Variants in EFCAB3 observed in about 807,000 individuals in gnomAD.
EFCAB3 encodes the protein EF-hand calcium binding domain 3.
EFCAB3 carries 36 observed loss-of-function variants against 42.2 expected under a neutral mutation model. The ratio of observed to expected loss-of-function variants is 0.85; its 90% CI spans 0.65 to 1.13. The LOEUF is 1.13. Ranked by LOEUF, EFCAB3 falls within the 50% of genes most tolerant of loss-of-function variation. The pLI is 0.00. For synonymous variants in EFCAB3, 170 were observed against 172.8 expected (o/e 0.98, Z 0.13); for missense variants, 418 against 505.1 (o/e 0.83, Z 1.65).
chr17:62,388,290 G>T (rs1056247531), intron 3 of EFCAB3, among the ~76,000 whole-genome samples: 1 of 152,166 alleles, frequency 6.6e-6, no homozygotes, highest in Non-Finnish European at 1.5e-5. Flanking sequence ...AAAGCATGGA[G>T]TGTTATAGGA....
chr17:62,410,454 C>T (rs547724325), intron 8 of EFCAB3, among the ~76,000 whole-genome samples: 3 of 152,078 alleles, frequency 2.0e-5, no homozygotes, highest in South Asian at 2.1e-4. Flanking sequence ...CCTATGACCA[C>T]GTTAAAATAT....
intron 1 of EFCAB3, chr17:62,370,346 T>C: frequency 6.4e-7 from 1 of 1,551,190 alleles, no homozygotes; most frequent in Non-Finnish European, 8.7e-7. Flanking sequence ...TTTATAATTA[T>C]GTTACCTTCT....
Position 62,406,506 on chromosome 17 carries a change from C to A in EFCAB3, c.515C>A (p.Thr172Asn). ...TATTTCCAAAGAAAATTCCAGCATACTGGCCCAGGAATGTTGTGGAGTCCC... is the reference window on the plus strand; with the variant it reads ...TATTTCCAAAGAAAATTCCAGCATAATGGCCCAGGAATGTTGTGGAGTCCC... ...VSYFQRKFQH[T>N]GPGMLWSPYT... The change falls in exon 7 of 10, where the codon ACT becomes AAT. Residue 172 changes from threonine (T) to asparagine (N), a missense_variant. Coordinates refer to ENST00000305286, the MANE Select transcript of EFCAB3 (RefSeq NM_173503.4). The A allele has an allele frequency of 6.3e-7, 1 of 1,599,872 alleles. No homozygotes were observed.
intron 6 of EFCAB3, among the ~76,000 whole-genome samples, chr17:62,401,413 T>C (rs149053686): frequency 0.026 from 3,887 of 152,322 alleles, 184 homozygotes; most frequent in African/African-American, 0.088. Flanking sequence ...AGGGTTTTTA[T>C]GGTTTTAGGT....
chr17:62,414,659 G>C (rs1195745048), intron 9 of EFCAB3, among the ~76,000 whole-genome samples: 1 of 151,936 alleles, frequency 6.6e-6, no homozygotes, highest in East Asian at 1.9e-4. Flanking sequence ...TACATGTGCA[G>C]GTTTGTTATG....
chr17:62,414,271 T>A (rs191335825), intron 9 of EFCAB3, among the ~76,000 whole-genome samples: 1 of 152,308 alleles, frequency 6.6e-6, no homozygotes, highest in African/African-American at 2.4e-5. Flanking sequence ...AGATCAATAG[T>A]TTGATATTAA....
chr17:62,383,992 G>T (rs1210330511), intron 2 of EFCAB3, among the ~76,000 whole-genome samples: 1 of 152,148 alleles, frequency 6.6e-6, no homozygotes, highest in Non-Finnish European at 1.5e-5. Context: ...GAGCAAAAAT[G>T]AGAGCCTGAT....
At chr17:62,412,151 G>A (rs1304812590) in intron 8 of EFCAB3, among the ~76,000 whole-genome samples, 7 of 151,622 alleles carry the variant, frequency 4.6e-5, no homozygotes, top group South Asian at 4.2e-4. Flanking sequence ...CAAGGCAGGC[G>A]GATCACCTGA....
chr17:62,412,735 C>G (rs2070510217), intron 8 of EFCAB3, among the ~76,000 whole-genome samples: 1 of 150,730 alleles, frequency 6.6e-6, no homozygotes, highest in African/African-American at 2.5e-5. Flanking sequence ...GCTGGAATCA[C>G]AGGCATGAGC....
chr17:62,410,453 A>G (rs1027629839), intron 8 of EFCAB3, among the ~76,000 whole-genome samples: 7 of 151,944 alleles, frequency 4.6e-5, no homozygotes, highest in African/African-American at 1.7e-4. Context: ...CCCTATGACC[A>G]CGTTAAAATA....
rs1164605248 is a variant in EFCAB3, at chr17:62,416,190, A to T, written c.1178A>T (p.Asp393Val). ...TGCCAAGAATTACTTTCTCCTAAGG[A>T]CTTAAGGTTATATGATGCCTATGTG... is the stretch of plus-strand genomic sequence containing the variant. ...NVCQELLSPKDLRLYDAYVNR... is the reference protein window; with the variant it reads ...NVCQELLSPKVLRLYDAYVNR... The change falls in exon 10 of 10, where the codon GAC (aspartate) becomes GTC (valine). Residue 393 changes from aspartate to valine, a missense_variant. Physicochemically the swap from Asp to Val is radical, Grantham distance 152. Transcript: ENST00000305286. The T allele has an allele frequency of 6.2e-7, 1 of 1,613,930 alleles. No homozygotes were observed. The highest frequency in any genetic ancestry group is 1.7e-5 in the Admixed American group (1 of 60,012).
chr17:62,406,256 C>T (rs1175325667), intron 6 of EFCAB3, among the ~76,000 whole-genome samples: 1 of 151,788 alleles, frequency 6.6e-6, no homozygotes, highest in Admixed American at 6.6e-5. Flanking sequence ...AAAAAGGAGA[C>T]CAAAAGCCAA....
chr17:62,383,343 G>A (rs1032945487), intron 2 of EFCAB3, among the ~76,000 whole-genome samples: 1 of 152,050 alleles, frequency 6.6e-6, no homozygotes, highest in Non-Finnish European at 1.5e-5. Context: ...GCATGGTGGT[G>A]TGCGCCTGTG....
chr17:62,380,642 T>C, intron 1 of EFCAB3, 29 bp downstream of exon 1: 1 of 965,522 alleles, frequency 1.0e-6, no homozygotes, highest in East Asian at 1.1e-4. Flanking sequence ...TAGGATTCTA[T>C]GCTAAGTCCT....
At chr17:62,387,933 G>A (rs1242702133) in intron 3 of EFCAB3, among the ~76,000 whole-genome samples, 3 of 152,114 alleles carry the variant, frequency 2.0e-5, no homozygotes, top group East Asian at 1.9e-4. Flanking sequence ...TGCCAGGCAC[G>A]GTGGCTCACG....
At chr17:62,395,875 C>G (rs1362299088) in intron 6 of EFCAB3, among the ~76,000 whole-genome samples, 2 of 152,120 alleles carry the variant, frequency 1.3e-5, no homozygotes, top group Non-Finnish European at 2.9e-5. Flanking sequence ...AGTCTCCCAC[C>G]TAGAGAGACT....
chr17:62,375,896 T>A (rs941533125), upstream of EFCAB3, among the ~76,000 whole-genome samples: 3 of 152,180 alleles, frequency 2.0e-5, no homozygotes, highest in Admixed American at 6.5e-5. Context: ...ATTTTTTTCT[T>A]TTGCTCCAGC....
At position 62,383,007 on chromosome 17, in the gene EFCAB3, C is replaced by T. The variant is rs2070216478; in HGVS notation, c.28C>T (p.Leu10Phe). Reference sequence around the variant, plus strand: ...GGCAGTTTCAGAAATTAAACCAAAACTTAAGCTGAATCCTCTAACAAAAGT... The same window carrying T: ...GGCAGTTTCAGAAATTAAACCAAAATTTAAGCTGAATCCTCTAACAAAAGT... MAVSEIKPKLKLNPLTKVPI... is the reference protein window; with the variant it reads MAVSEIKPKFKLNPLTKVPI... The change falls in exon 2 of 10, where the codon CTT becomes TTT. Residue 10 changes from leucine (L) to phenylalanine (F), a missense_variant. Physicochemically the swap from Leu to Phe is conservative, Grantham distance 22. Transcript: ENST00000305286. The T allele has an allele frequency of 6.2e-7, 1 of 1,613,590 alleles. No individual in the cohort carries two copies. Among genetic ancestry groups the T allele is most frequent in the Admixed American group, 1.7e-5 (1 of 59,916 alleles).
chr17:62,396,283 G>A (rs1318773301), intron 6 of EFCAB3, among the ~76,000 whole-genome samples: 2 of 152,092 alleles, frequency 1.3e-5, no homozygotes, highest in African/African-American at 2.4e-5. Context: ...AGCTGGGCGC[G>A]GTGGCTCATG....
Sources: gnomAD v4.1 joint callset for allele counts (sites outside exome capture counted in the v4.1 genomes callset) on GRCh38, gnomAD v4.1.1 for gene constraint, MANE v1.5 for transcripts, NCBI Gene and HGNC (gene_info 2026-07-23, HGNC 2026-07-21) for gene names.